Variants in SHISAL1 observed in about 807,000 individuals in gnomAD.
SHISAL1 encodes shisa like 1.
Under a neutral mutation model 22.6 loss-of-function variants are expected in SHISAL1, and 9 were observed. The observed-to-expected ratio is 0.40, with a 90% CI of 0.24 to 0.70. SHISAL1 has a LOEUF of 0.70. Ranked by LOEUF, SHISAL1 falls within the 30% of genes least tolerant of loss-of-function variation. SHISAL1 has a pLI of 0.39. For synonymous variants in SHISAL1, 119 were observed against 115.4 expected (o/e 1.03, Z -0.20); for missense variants, 246 against 270.6 (o/e 0.91, Z 0.64).
chr22:44,317,577 C>G (rs1037817572), upstream of SHISAL1, among the ~76,000 whole-genome samples: 3 of 152,234 alleles, frequency 2.0e-5, no homozygotes, highest in Admixed American at 6.5e-5. Context: ...GCCAGGTGGA[C>G]TTCTCAGCTG....
chr22:44,253,483 C>T (rs2055063562), intron 4 of SHISAL1, among the ~76,000 whole-genome samples: 1 of 141,734 alleles, frequency 7.1e-6, no homozygotes, highest in African/African-American at 2.7e-5. Flanking sequence ...GGCTGGAGTG[C>T]AATGGTATGA....
At chr22:44,270,037 C>T (rs1302658446) in intron 4 of SHISAL1, among the ~76,000 whole-genome samples, 1 of 152,216 alleles carries the variant, frequency 6.6e-6, no homozygotes, top group Non-Finnish European at 1.5e-5. Flanking sequence ...TGTGTCCCCC[C>T]ACTGCCTCGG....
At chr22:44,286,668 C>T (rs545584706) in intron 3 of SHISAL1, among the ~76,000 whole-genome samples, 28 of 152,298 alleles carry the variant, frequency 1.8e-4, no homozygotes, top group African/African-American at 6.3e-4. Context: ...TGGCCCACAG[C>T]CCTGAGTTTC....
intron 4 of SHISAL1, among the ~76,000 whole-genome samples, chr22:44,261,123 A>G (rs2055121210): frequency 7.4e-6 from 1 of 135,902 alleles, no homozygotes; most frequent in South Asian, 2.4e-4. Context: ...CTCTTGCAGA[A>G]AATGAAATAT....
intron 4 of SHISAL1, among the ~76,000 whole-genome samples, chr22:44,274,593 GA>G (rs1228330236): frequency 6.6e-6 from 1 of 152,128 alleles, no homozygotes; most frequent in Non-Finnish European, 1.5e-5. Flanking sequence ...CCGCTGTAGG[GA>G]ATCCCACACA....
chr22:44,291,599 A>C (rs1407135856), intron 3 of SHISAL1, among the ~76,000 whole-genome samples: 3 of 152,026 alleles, frequency 2.0e-5, no homozygotes. Flanking sequence ...ACGCGTGGCC[A>C]AGGGAGGGAC....
At chr22:44,287,182 G>A (rs544891807) in intron 3 of SHISAL1, among the ~76,000 whole-genome samples, 3 of 152,344 alleles carry the variant, frequency 2.0e-5, no homozygotes, top group East Asian at 1.9e-4. Flanking sequence ...TGGAGGAGAT[G>A]AGCATGAGGC....
At chr22:44,322,348 G>T in the SHISAL1 span, among the ~76,000 whole-genome samples, 1 of 152,198 alleles carries the variant, frequency 6.6e-6, no homozygotes, top group Non-Finnish European at 1.5e-5. Flanking sequence ...CTGCCCATGA[G>T]TTGGAGGTGC....
At chr22:44,285,177 G>A (rs570456977) in intron 4 of SHISAL1, among the ~76,000 whole-genome samples, 4 of 152,216 alleles carry the variant, frequency 2.6e-5, no homozygotes, top group Non-Finnish European at 5.9e-5. Context: ...CTCTCACACT[G>A]GGCTCTAAGC....
At chr22:44,267,473 C>T (rs544613723) in intron 4 of SHISAL1, among the ~76,000 whole-genome samples, 2 of 152,230 alleles carry the variant, frequency 1.3e-5, no homozygotes, top group East Asian at 3.9e-4. Context: ...GGCCCCTCCC[C>T]ACCACCACCC....
At chr22:44,284,475 C>T (rs1217495206) in intron 4 of SHISAL1, among the ~76,000 whole-genome samples, 1 of 152,146 alleles carries the variant, frequency 6.6e-6, no homozygotes, top group African/African-American at 2.4e-5. Context: ...GCGGCAAACT[C>T]CTGCACCCCT....
At chr22:44,285,390 G>C in intron 4 of SHISAL1, 38 bp downstream of exon 4, 4 of 1,601,468 alleles carry the variant, frequency 2.5e-6, no homozygotes, top group Non-Finnish European at 3.4e-6. Flanking sequence ...CAAAGACAAT[G>C]ACCCAAATCA....
intron 4 of SHISAL1, among the ~76,000 whole-genome samples, chr22:44,266,525 G>GGTGTGTGTGTGTGT (rs386395566): frequency 2.2e-5 from 1 of 45,652 alleles, no homozygotes; most frequent in Non-Finnish European, 5.5e-5. Flanking sequence ...GGGGCTTTGG[G>GGTGTGTGTGTGTGT]GTATGTGTGT....
chr22:44,281,379 T>C (rs2055275512), intron 4 of SHISAL1, among the ~76,000 whole-genome samples: 1 of 151,850 alleles, frequency 6.6e-6, no homozygotes, highest in African/African-American at 2.4e-5. Context: ...GGTCGGGGAT[T>C]GGTGGGAGGG....
intron 1 of SHISAL1, among the ~76,000 whole-genome samples, chr22:44,304,437 C>A (rs1450294501): frequency 6.6e-6 from 1 of 152,212 alleles, no homozygotes; most frequent in African/African-American, 2.4e-5. Context: ...TCTGGTTTGC[C>A]AGAACAAGGG....
At chr22:44,290,529 CAA>C (rs546640216) in intron 3 of SHISAL1, among the ~76,000 whole-genome samples, 3 of 84,266 alleles carry the variant, frequency 3.6e-5, no homozygotes, top group Admixed American at 1.2e-4. Flanking sequence ...AACTCAGTCT[CAA>C]AAAAAAAAAA....
intron 4 of SHISAL1, among the ~76,000 whole-genome samples, chr22:44,259,085 C>T (rs2055104358): frequency 6.6e-6 from 1 of 152,204 alleles, no homozygotes; most frequent in Admixed American, 6.5e-5. Context: ...AAGGGAAGTG[C>T]ATCCTCACCC....
intron 3 of SHISAL1, among the ~76,000 whole-genome samples, chr22:44,288,014 TGGCTGGGCCACA>T (rs150791664): frequency 0.11 from 16,789 of 152,138 alleles, 1,208 homozygotes; most frequent in Middle Eastern, 0.17. Context: ...GCTGGGGGTG[TGGCTGGGCCACA>T]GGCTGGGCCT....
intron 3 of SHISAL1, among the ~76,000 whole-genome samples, chr22:44,288,022 C>G (rs1204896133): frequency 1.7e-5 from 2 of 120,868 alleles, no homozygotes; most frequent in African/African-American, 5.1e-5. Context: ...TGTGGCTGGG[C>G]CACAGGCTGG....
Sources: gnomAD v4.1 joint callset for allele counts (sites outside exome capture counted in the v4.1 genomes callset) on GRCh38, gnomAD v4.1.1 for gene constraint, MANE v1.5 for transcripts, NCBI Gene and HGNC (gene_info 2026-07-23, HGNC 2026-07-21) for gene names.